ADAM29: variants seen among roughly 807,000 people sequenced by gnomAD.
The protein encoded by ADAM29 is disintegrin and metalloproteinase domain-containing protein 29.
For missense variants in ADAM29, 969 were observed against 1,001.8 expected (o/e 0.97, Z 0.44); for synonymous variants, 367 against 342.3 (o/e 1.07, Z -0.80).
At chr4:174,972,000 A>T (rs1464255655) in intron 4 of ADAM29, among the ~76,000 whole-genome samples, 1 of 152,094 alleles carries the variant, frequency 6.6e-6, no homozygotes, top group African/African-American at 2.4e-5. Context: ...TAAATAATTT[A>T]ATTCAGTTAT....
intron 4 of ADAM29, among the ~76,000 whole-genome samples, chr4:174,961,678 A>G (rs1745830375): frequency 6.6e-6 from 1 of 152,218 alleles, no homozygotes; most frequent in Non-Finnish European, 1.5e-5. Context: ...CCATTTCATA[A>G]TAAGAAATAA....
chr4:174,969,705 C>T (rs1185052207), intron 4 of ADAM29, among the ~76,000 whole-genome samples: 1 of 151,868 alleles, frequency 6.6e-6, no homozygotes, highest in East Asian at 1.9e-4. Flanking sequence ...TCAAAATAAA[C>T]ACCAAGTATT....
At chr4:174,956,353 T>C (rs1367345098) in intron 4 of ADAM29, among the ~76,000 whole-genome samples, 1 of 152,040 alleles carries the variant, frequency 6.6e-6, no homozygotes, top group Non-Finnish European at 1.5e-5. Flanking sequence ...TTCAGTTTAA[T>C]TTTTTAGTAA....
At position 174,977,619 on chromosome 4, in the gene ADAM29, T is replaced by TA; in HGVS notation, c.2101dup (p.Ser701LysfsTer2). On this transcript the variant is annotated frameshift_variant, in exon 5 of 5. Coordinates refer to ENST00000359240, the MANE Select transcript of ADAM29 (RefSeq NM_014269.4). LOFTEE classifies it low-confidence loss of function (END_TRUNC). ...TATTATGTTGTCTTTATCGACTTTG[T>TA]AAAAAAAGTAAACCAATAAAAAAGC... The TA allele has an allele frequency of 1.2e-6, 2 of 1,613,830 alleles. No individual in the cohort carries two copies. Among genetic ancestry groups the TA allele is most frequent in the Non-Finnish European group, 1.7e-6 (2 of 1,179,946 alleles).
chr4:174,978,045 CCAACCTCGGGTGACACCCTCCCAGAGT>C lies in ADAM29; in HGVS notation c.*65_*91del. ...AACCTCCTGTGACGCCCTCCCAGAG[CCAACCTCGGGTGACACCCTCCCAGAGT>C]CAACCTCATGTGACACCTTACCGGA... On this transcript the variant is annotated 3_prime_UTR_variant, in exon 5 of 5. Transcript: ENST00000359240. 1.9e-6 allele frequency: 3 copies of C among 1,571,758 alleles called. No homozygotes were observed. Among genetic ancestry groups the C allele is most frequent in the East Asian group, 2.3e-5 (1 of 43,730 alleles).
chr4:174,938,723 G>T (rs947237617), intron 4 of ADAM29, among the ~76,000 whole-genome samples: 2 of 152,050 alleles, frequency 1.3e-5, no homozygotes, highest in Non-Finnish European at 2.9e-5. Context: ...GGGGATTGTT[G>T]GTGTAATGTT....
At chr4:174,947,348 A>G (rs563053118) in intron 4 of ADAM29, among the ~76,000 whole-genome samples, 45 of 152,140 alleles carry the variant, frequency 3.0e-4, no homozygotes, top group Non-Finnish European at 5.6e-4. Context: ...GTTGGTTGTC[A>G]ATTTGAGATC....
intron 4 of ADAM29, among the ~76,000 whole-genome samples, chr4:174,967,120 G>T (rs1746199537): frequency 1.3e-5 from 2 of 152,218 alleles, no homozygotes; most frequent in African/African-American, 4.8e-5. Context: ...TCAATAGAAA[G>T]CCATGGAACT....
chr4:174,934,163 A>C (rs1000404944), intron 3 of ADAM29, among the ~76,000 whole-genome samples: 23 of 152,220 alleles, frequency 1.5e-4, no homozygotes, highest in Admixed American at 1.3e-4. Flanking sequence ...AGCCATTCTG[A>C]CTGGTGTGAG....
chr4:174,948,488 G>GC (rs974688637), intron 4 of ADAM29, among the ~76,000 whole-genome samples: 12 of 152,152 alleles, frequency 7.9e-5, no homozygotes, highest in African/African-American at 2.6e-4. Context: ...CTGGTACTGA[G>GC]CCCCCCAGCT....
intron 4 of ADAM29, among the ~76,000 whole-genome samples, chr4:174,938,808 G>C (rs1190799822): frequency 2.6e-5 from 4 of 152,114 alleles, no homozygotes; most frequent in Non-Finnish European, 5.9e-5. Flanking sequence ...CAAAATGTTG[G>C]AGTTGAAGAG....
intron 4 of ADAM29, among the ~76,000 whole-genome samples, chr4:174,975,081 A>C (rs915322607): frequency 6.6e-6 from 1 of 152,170 alleles, no homozygotes. Flanking sequence ...TATTTAAAGA[A>C]CTGTATAGTG....
intron 4 of ADAM29, among the ~76,000 whole-genome samples, chr4:174,937,922 CA>C (rs1744294982): frequency 6.6e-6 from 1 of 151,986 alleles, no homozygotes; most frequent in African/African-American, 2.4e-5. Flanking sequence ...CAGGTTAGGG[CA>C]AGTTTTTCAG....
chr4:174,948,894 A>G lies in ADAM29; in HGVS notation c.-181+11881A>G, dbSNP rs539169261. On this transcript the variant is annotated intron_variant, in intron 4 of 4. Coordinates refer to ENST00000359240, the MANE Select transcript of ADAM29 (RefSeq NM_014269.4). ...TTCACATCGGCGGTGGCAAAGCAGC[A>G]TCACAAGGAAGGGGTGGCTGGGTGA... 2.0e-5 allele frequency among the ~76,000 whole-genome samples: 3 copies of G among 152,238 alleles called. No individual in the cohort carries two copies. The East Asian group carries it at 5.8e-4, about 30-fold the overall frequency.
In ADAM29 at chr4:174,957,092, A is replaced by G. The variant is rs191430641; in HGVS notation, c.-180-18254A>G. ...GAAACACACAGGCAACAATTGCTTC[A>G]TATATGACAGCTAAATTAGCACCTG... On this transcript the variant is annotated intron_variant, in intron 4 of 4. Coordinates refer to ENST00000359240, the MANE Select transcript of ADAM29 (RefSeq NM_014269.4). Among the ~76,000 whole-genome samples the G allele has an allele frequency of 3.1e-3, 466 of 152,066 alleles. 2 individuals carry two copies. Among genetic ancestry groups the G allele is most frequent in the Middle Eastern group, 0.017 (5 of 294 alleles).
At position 174,977,534 on chromosome 4, in the gene ADAM29, G is replaced by A; in HGVS notation, c.2009G>A (p.Arg670Lys). The A allele has an allele frequency of 6.2e-7, 1 of 1,614,008 alleles. No individual in the cohort carries two copies. Among genetic ancestry groups the A allele is most frequent in the Non-Finnish European group, 8.5e-7 (1 of 1,179,988 alleles). Reference protein sequence around the residue: ...GSVDSGPPPKRKKKKKFCYLC... With the variant: ...GSVDSGPPPKKKKKKKFCYLC... ...GTTGACAGTGGCCCACCCCCTAAGA[G>A]AAAGAAGAAAAAGAAGTTCTGTTAT... Residue 670 changes from arginine (R) to lysine (K), a missense_variant, in exon 5 of 5, where the codon AGA (arginine) becomes AAA (lysine). Physicochemically the swap from Arg to Lys is conservative, Grantham distance 26. Transcript: ENST00000359240.
intron 4 of ADAM29, among the ~76,000 whole-genome samples, chr4:174,952,576 G>T (rs1463873965): frequency 6.6e-6 from 1 of 152,166 alleles, no homozygotes; most frequent in Non-Finnish European, 1.5e-5. Context: ...CACAGGAATA[G>T]TCTAAATGGG....
chr4:174,976,793 C>T lies in ADAM29; in HGVS notation c.1268C>T (p.Pro423Leu). 6.2e-7 allele frequency: 1 copy of T among 1,614,006 alleles called. No individual in the cohort carries two copies. ...CCTTTAAAGCATTGTGCAAAAGATC[C>T]CTGCTGTCTGTCAAATTGCACTCTG... ...CGPLKHCAKD[P>L]CCLSNCTLTD... Residue 423 changes from proline to leucine, a missense_variant, in exon 5 of 5, where the codon CCC becomes CTC. Coordinates refer to ENST00000359240, the MANE Select transcript of ADAM29 (RefSeq NM_014269.4).
At chr4:174,945,831 G>A (rs965378001) in intron 4 of ADAM29, among the ~76,000 whole-genome samples, 3 of 151,988 alleles carry the variant, frequency 2.0e-5, no homozygotes, top group African/African-American at 7.2e-5. Flanking sequence ...TGAGTGCTCT[G>A]TTCCATTTCT....
Sources: allele counts gnomAD v4.1 joint callset (sites outside exome capture counted in the v4.1 genomes callset), GRCh38; gene constraint gnomAD v4.1.1; transcripts MANE v1.5; gene names NCBI Gene and HGNC (gene_info 2026-07-23, HGNC 2026-07-21).